The following ABR variants were observed in gnomAD, a reference collection of about 807,000 sequenced individuals.
ABR encodes ABR activator of RhoGEF and GTPase.
ABR carries 35 observed loss-of-function variants against 107.2 expected under a neutral mutation model. The ratio of observed to expected loss-of-function variants is 0.33; its 90% CI spans 0.25 to 0.43. ABR has a LOEUF of 0.43. ABR is among the 20% of genes least tolerant of loss of function. ABR has a pLI of 1.00. For synonymous variants in ABR, 498 were observed against 462.0 expected (o/e 1.08, Z -1.00); for missense variants, 815 against 1,115.2 (o/e 0.73, Z 3.83).
intron 6 of ABR, among the ~76,000 whole-genome samples, chr17:1,077,789 T>C (rs759978498): frequency 2.0e-5 from 3 of 152,140 alleles, no homozygotes; most frequent in Non-Finnish European, 2.9e-5. Context: ...CCGAAACACC[T>C]GGTGGGAAGG....
chr17:1,128,661 A>C (rs1361330416), intron 1 of ABR, among the ~76,000 whole-genome samples: 1 of 152,212 alleles, frequency 6.6e-6, no homozygotes, highest in Non-Finnish European at 1.5e-5. Context: ...CTGGAGCCCC[A>C]GCAGCCATCC....
intron 2 of ABR, among the ~76,000 whole-genome samples, chr17:1,123,613 G>A (rs114001975): frequency 1.3e-5 from 2 of 152,210 alleles, no homozygotes; most frequent in Non-Finnish European, 2.9e-5. Flanking sequence ...GACAGGCAGC[G>A]GCAAAGACCC....
intron 1 of ABR, among the ~76,000 whole-genome samples, chr17:1,218,128 C>T (rs74878546): frequency 0.048 from 7,327 of 152,282 alleles, 239 homozygotes; most frequent in East Asian, 0.13. Flanking sequence ...TTCATTTATA[C>T]GGAGCTCACC....
At chr17:1,109,635 C>T (rs1046093257) in intron 2 of ABR, among the ~76,000 whole-genome samples, 36 of 152,094 alleles carry the variant, frequency 2.4e-4, no homozygotes, top group Admixed American at 1.3e-3. Context: ...CAGGGGCGAC[C>T]CCCAGAGCCA....
chr17:1,031,651 T>TG (rs1292541807), intron 16 of ABR: 41 of 1,256,028 alleles, frequency 3.3e-5, no homozygotes, highest in East Asian at 6.3e-5. Flanking sequence ...GCGCCGGTGT[T>TG]GGGGGGGCGC....
intron 20 of ABR, 123 bp from the exon 21 acceptor site, chr17:1,009,907 AC>A (rs1263048735): frequency 7.4e-6 from 6 of 808,932 alleles, no homozygotes; most frequent in Non-Finnish European, 1.2e-5. Flanking sequence ...TGGGGAGCAG[AC>A]CCCACAGGGG....
chr17:1,227,344 G>A (rs112553314), intron 1 of ABR, among the ~76,000 whole-genome samples: 61 of 152,288 alleles, frequency 4.0e-4, no homozygotes, highest in Admixed American at 1.2e-3. Flanking sequence ...GAAGCAGCTG[G>A]GGCCAGTTGG....
intron 1 of ABR, among the ~76,000 whole-genome samples, chr17:1,145,537 G>A (rs1478039049): frequency 1.3e-5 from 2 of 152,230 alleles, no homozygotes; most frequent in African/African-American, 4.8e-5. Flanking sequence ...TCAATCCAAC[G>A]GTGCTCACCA....
intron 2 of ABR, among the ~76,000 whole-genome samples, chr17:1,120,797 G>A (rs34171234): frequency 0.12 from 18,372 of 152,194 alleles, 1,395 homozygotes; most frequent in Non-Finnish European, 0.16. Context: ...GCTCTGGTGG[G>A]GAGTCATGAG....
chr17:1,200,474 G>A lies in ABR; in HGVS notation c.838+28319C>T, dbSNP rs1289085317. Among the ~76,000 whole-genome samples the A allele has an allele frequency of 6.6e-6, 1 of 152,096 alleles. No homozygotes were observed. The highest frequency in any genetic ancestry group is 1.5e-5 in the Non-Finnish European group (1 of 68,024). On this transcript the variant is annotated intron_variant, in intron 1 of 22. Coordinates refer to the ABR transcript ENST00000574139. The surrounding 1 kb of genome is among the most constrained non-coding windows in gnomAD (Gnocchi z 4.1). The stretch of plus-strand genomic sequence containing the variant: ...AGAGACTTGGGCGTCCTGGGATTCT[G>A]GTATCTGCCAGGGGTCCTGGGGCCA...
intron 2 of ABR, among the ~76,000 whole-genome samples, chr17:1,102,678 G>A (rs1003467034): frequency 2.0e-5 from 3 of 152,186 alleles, no homozygotes; most frequent in African/African-American, 7.2e-5. Flanking sequence ...ATGCAGCCCT[G>A]GAGATCCTTT....
At chr17:1,178,168 G>A (rs1293591862) in intron 1 of ABR, 4 of 152,240 alleles carry the variant, frequency 2.6e-5, no homozygotes, top group Non-Finnish European at 1.5e-5. Flanking sequence ...GTTGAATGTT[G>A]GGTACCACAC....
intron 10 of ABR, among the ~76,000 whole-genome samples, chr17:1,060,614 T>A (rs953740550): frequency 1.3e-5 from 2 of 152,154 alleles, no homozygotes; most frequent in Admixed American, 1.3e-4. Flanking sequence ...ACCCTGTACA[T>A]GCTGGTACTA....
intron 2 of ABR, among the ~76,000 whole-genome samples, chr17:1,123,467 G>A (rs1255831194): frequency 3.3e-5 from 5 of 152,198 alleles, no homozygotes; most frequent in Non-Finnish European, 5.9e-5. Flanking sequence ...CGTGACGCCC[G>A]TGATCTGTCT....
chr17:1,224,566 CAA>C (rs1194382155), intron 1 of ABR, among the ~76,000 whole-genome samples: 4 of 152,152 alleles, frequency 2.6e-5, no homozygotes, highest in African/African-American at 4.8e-5. Flanking sequence ...GCCAATCCAG[CAA>C]AAAGAGACTC....
chr17:1,095,218 C>G (rs544043661), intron 3 of ABR, among the ~76,000 whole-genome samples: 2 of 152,168 alleles, frequency 1.3e-5, no homozygotes, highest in Non-Finnish European at 2.9e-5. Flanking sequence ...GCCACCCACA[C>G]GAAGACAAAA....
At position 1,018,376 on chromosome 17, in the gene ABR, G is replaced by A. The variant is rs148875292; in HGVS notation, c.1792-5212C>T. ...ATTTTTTAATTGACACATTGCAGTT[G>A]TATGTATTTATGGGGCGCAGTTCGA... On this transcript the variant is annotated intron_variant, in intron 16 of 22. Transcript: ENST00000302538. Among the ~76,000 whole-genome samples the A allele has an allele frequency of 3.8e-3, 577 of 152,280 alleles. 4 individuals carry two copies. Among genetic ancestry groups the A allele is most frequent in the African/African-American group, 0.013 (555 of 41,554 alleles).
At chr17:1,047,479 C>T (rs1015125964) in intron 16 of ABR, among the ~76,000 whole-genome samples, 8 of 152,198 alleles carry the variant, frequency 5.3e-5, no homozygotes, top group Non-Finnish European at 1.2e-4. Context: ...ATGCCTCCCC[C>T]ACCAAAGGCA....
chr17:1,031,635 A>G, intron 16 of ABR: 1 of 1,247,862 alleles, frequency 8.0e-7, no homozygotes, highest in Non-Finnish European at 1.0e-6. Context: ...GCGGCCCCAG[A>G]GCCGGGCGCC....
Sources: allele counts gnomAD v4.1 joint callset (sites outside exome capture counted in the v4.1 genomes callset), GRCh38; gene constraint gnomAD v4.1.1; non-coding constraint Gnocchi (gnomAD v3.1); transcripts MANE v1.5; gene names NCBI Gene and HGNC (gene_info 2026-07-23, HGNC 2026-07-21).